SUPT3H: variants seen among roughly 807,000 people sequenced by gnomAD.
SUPT3H encodes SPT3 homolog, SAGA and STAGA complex component.
Under a neutral mutation model 44.3 loss-of-function variants are expected in SUPT3H, and 44 were observed. The ratio of observed to expected loss-of-function variants is 0.99; its 90% CI spans 0.78 to 1.28. The LOEUF is 1.28. SUPT3H is among the 50% of genes most tolerant of loss of function. SUPT3H has a pLI of 0.00. For synonymous variants in SUPT3H, 124 were observed against 125.6 expected (o/e 0.99, Z 0.09); for missense variants, 380 against 387.1 (o/e 0.98, Z 0.15).
intron 1 of SUPT3H, among the ~76,000 whole-genome samples, chr6:45,372,530 AT>A (rs1796226530): frequency 6.6e-6 from 1 of 152,208 alleles, no homozygotes; most frequent in African/African-American, 2.4e-5. Flanking sequence ...ACATTTCAAG[AT>A]TTTTTAATGA....
At chr6:44,841,033 C>CTG (rs1181721772) in intron 10 of SUPT3H, among the ~76,000 whole-genome samples, 7 of 152,286 alleles carry the variant, frequency 4.6e-5, no homozygotes, top group African/African-American at 1.7e-4. Context: ...CTGTCTGTCT[C>CTG]TGTGATGTGC....
intron 3 of SUPT3H, among the ~76,000 whole-genome samples, chr6:45,102,641 A>G (rs1798735747): frequency 1.3e-5 from 2 of 152,172 alleles, no homozygotes; most frequent in South Asian, 4.1e-4. Flanking sequence ...TACTTCAACA[A>G]AGCTATTATA....
At chr6:45,176,322 C>G (rs1370775535) in intron 2 of SUPT3H, among the ~76,000 whole-genome samples, 1 of 151,718 alleles carries the variant, frequency 6.6e-6, no homozygotes, top group Non-Finnish European at 1.5e-5. Flanking sequence ...ACGGACGCAC[C>G]TGGAAAATCG....
intron 9 of SUPT3H, among the ~76,000 whole-genome samples, chr6:44,950,276 T>C (rs932979184): frequency 2.0e-5 from 3 of 152,216 alleles, no homozygotes; most frequent in Admixed American, 6.5e-5. Context: ...GTCCATTCTA[T>C]AGGATGATGC....
At chr6:44,819,125 A>C (rs1371098490) in intron 11 of SUPT3H, among the ~76,000 whole-genome samples, 2 of 152,224 alleles carry the variant, frequency 1.3e-5, no homozygotes, top group Non-Finnish European at 2.9e-5. Flanking sequence ...ATATGATGGA[A>C]TATTACTCAG....
intron 10 of SUPT3H, among the ~76,000 whole-genome samples, chr6:44,908,847 AC>A (rs1766542300): frequency 6.6e-6 from 1 of 152,194 alleles, no homozygotes; most frequent in Non-Finnish European, 1.5e-5. Context: ...GTTCAGCCTT[AC>A]TCTGAGCTAA....
At chr6:44,998,453 G>A (rs1304990970) in intron 6 of SUPT3H, among the ~76,000 whole-genome samples, 1 of 151,798 alleles carries the variant, frequency 6.6e-6, no homozygotes, top group Non-Finnish European at 1.5e-5. Context: ...CTAATTTTTA[G>A]TATTGATTGG....
rs114312255 is a variant in SUPT3H, at chr6:45,071,972, C to T, written c.186+33950G>A. On this transcript the variant is annotated intron_variant, in intron 3 of 10. Coordinates refer to ENST00000371459, the MANE Select transcript of SUPT3H (RefSeq NM_003599.4). The stretch of plus-strand genomic sequence containing the variant: ...TAATAATCTCTCTACAGTGCCCTGT[C>T]ATTGAGTTCCTATGAGGAAAAGTCT... Among the ~76,000 whole-genome samples the T allele has an allele frequency of 6.2e-3, 943 of 152,292 alleles. 19 individuals are homozygous for T. Among genetic ancestry groups the T allele is most frequent in the African/African-American group, 0.021 (893 of 41,552 alleles).
intron 10 of SUPT3H, among the ~76,000 whole-genome samples, chr6:44,908,422 A>T (rs1341939597): frequency 6.6e-6 from 1 of 152,076 alleles, no homozygotes; most frequent in Non-Finnish European, 1.5e-5. Context: ...AAGTGTTGGG[A>T]TTACAGGCAT....
At chr6:45,042,217 A>AT (rs1428635081) in intron 3 of SUPT3H, among the ~76,000 whole-genome samples, 1 of 152,008 alleles carries the variant, frequency 6.6e-6, no homozygotes, top group Non-Finnish European at 1.5e-5. Flanking sequence ...GAGGTCAGGA[A>AT]TTTGAGACCA....
At position 45,014,828 on chromosome 6, in the gene SUPT3H, C is replaced by T; in HGVS notation, c.337G>A (p.Gly113Ser). 6.3e-7 allele frequency: 1 copy of T among 1,591,796 alleles called. No homozygotes were observed. The highest frequency in any genetic ancestry group is 8.5e-7 in the Non-Finnish European group (1 of 1,170,564). Reference protein sequence around the residue: ...IRDYKSKIVKGIDEDDLLEDK... With the variant: ...IRDYKSKIVKSIDEDDLLEDK... Reference sequence around the variant, plus strand: ...TCGAGAAGATCATCCTCATCGATGCCTTTGACAATCTTTGATTTGTAGTCT... The same window carrying T: ...TCGAGAAGATCATCCTCATCGATGCTTTTGACAATCTTTGATTTGTAGTCT... The change falls in exon 5 of 11, where the codon GGC becomes AGC. Residue 113 changes from glycine (G) to serine (S), a missense_variant. Gly to Ser is a moderately conservative substitution (Grantham distance 56, BLOSUM62 0). Coordinates refer to ENST00000371459, the MANE Select transcript of SUPT3H (RefSeq NM_003599.4).
intron 10 of SUPT3H, among the ~76,000 whole-genome samples, chr6:44,899,776 A>G (rs1280653566): frequency 1.3e-5 from 2 of 152,190 alleles, no homozygotes; most frequent in Non-Finnish European, 2.9e-5. Context: ...GAGATGTTCT[A>G]CTGCCATTGG....
chr6:45,019,787 G>A (rs190813299), intron 4 of SUPT3H, among the ~76,000 whole-genome samples: 4 of 152,016 alleles, frequency 2.6e-5, no homozygotes, highest in African/African-American at 9.6e-5. Flanking sequence ...GAAGTTTCAT[G>A]AGTCTTAAAA....
intron 10 of SUPT3H, among the ~76,000 whole-genome samples, chr6:44,830,609 G>C (rs181253009): frequency 7.9e-5 from 12 of 152,070 alleles, no homozygotes; most frequent in Admixed American, 3.9e-4. Context: ...GATCACACAG[G>C]GTCTCTGTAA....
In SUPT3H at chr6:44,887,861, T is replaced by C. The variant is rs548887884; in HGVS notation, c.912+44792A>G. On this transcript the variant is annotated intron_variant, in intron 10 of 10. Coordinates refer to ENST00000371459, the MANE Select transcript of SUPT3H (RefSeq NM_003599.4). ...TTTTTGAAAGGATCAACAAAATTGATAGACTGCTAGCAAGACTAATAAAGA... is the reference window on the plus strand; with the variant it reads ...TTTTTGAAAGGATCAACAAAATTGACAGACTGCTAGCAAGACTAATAAAGA... 9.2e-5 allele frequency among the ~76,000 whole-genome samples: 14 copies of C among 151,876 alleles called. No individual in the cohort carries two copies. The East Asian group carries it at 2.1e-3, about 23-fold the overall frequency.
chr6:45,328,413 T>C (rs753655529), intron 2 of SUPT3H: 1 of 1,428,792 alleles, frequency 7.0e-7, no homozygotes, highest in East Asian at 3.7e-5. Flanking sequence ...GGTTTTTAAA[T>C]GGTTAATCTC....
intron 2 of SUPT3H, among the ~76,000 whole-genome samples, chr6:45,354,072 CAT>C (rs1467373377): frequency 1.3e-5 from 2 of 152,040 alleles, no homozygotes; most frequent in Non-Finnish European, 2.9e-5. Context: ...GAGGTGCTCT[CAT>C]AACTTGATAG....
At chr6:44,910,192 C>T (rs550158478) in intron 10 of SUPT3H, among the ~76,000 whole-genome samples, 1 of 152,132 alleles carries the variant, frequency 6.6e-6, no homozygotes, top group African/African-American at 2.4e-5. Context: ...CTCTCTTTTC[C>T]CCTACACCTT....
chr6:45,003,787 A>G lies in SUPT3H; in HGVS notation c.370T>C (p.Leu124=). 1 of 1,613,484 alleles carries G rather than the reference A, an allele frequency of 6.2e-7. No homozygotes were observed. The highest frequency in any genetic ancestry group is 8.5e-7 in the Non-Finnish European group (1 of 1,179,704). Residue 124 remains leucine (L), a synonymous_variant, in exon 6 of 11, where the codon TTG becomes CTG. Coordinates refer to ENST00000371459, the MANE Select transcript of SUPT3H (RefSeq NM_003599.4). ...TTGTTCGCATTATTGCTGCCACTCA[A>G]TTTGTCTTCATGAAGTCAAGGGAAA... The part of the protein sequence containing the change: ...IDEDDLLEDK[L]SGSNNANKRQ...
Sources: gnomAD v4.1 joint callset for allele counts (sites outside exome capture counted in the v4.1 genomes callset) on GRCh38, gnomAD v4.1.1 for gene constraint, MANE v1.5 for transcripts, NCBI Gene and HGNC (gene_info 2026-07-23, HGNC 2026-07-21) for gene names.